Variants in SLC4A4 observed in about 807,000 individuals in gnomAD.
SLC4A4 encodes electrogenic sodium bicarbonate cotransporter 1.
SLC4A4 carries 27 observed loss-of-function variants against 111.5 expected under a neutral mutation model. That is an observed-to-expected ratio of 0.24 (90% confidence interval 0.18 to 0.33). The LOEUF is 0.33. Among genes scored for constraint, SLC4A4 ranks in the 10% least tolerant of loss-of-function variants. The pLI is 1.00. For synonymous variants in SLC4A4, 443 were observed against 463.4 expected (o/e 0.96, Z 0.57); for missense variants, 909 against 1,315.5 (o/e 0.69, Z 4.78).
intron 1 of SLC4A4, among the ~76,000 whole-genome samples, chr4:71,074,506 A>G (rs930432129): frequency 6.6e-6 from 1 of 152,158 alleles, no homozygotes; most frequent in Non-Finnish European, 1.5e-5. Context: ...TAAACACAGC[A>G]AGGTCTTTCA....
chr4:71,166,741 A>G (rs1486445022), intron 2 of SLC4A4, among the ~76,000 whole-genome samples: 3 of 152,124 alleles, frequency 2.0e-5, no homozygotes, highest in Non-Finnish European at 4.4e-5. Context: ...TAAGTGCCCA[A>G]TTTATGTCTG....
chr4:71,131,791 T>A (rs1396676629), intron 2 of SLC4A4, among the ~76,000 whole-genome samples: 1 of 152,108 alleles, frequency 6.6e-6, no homozygotes, highest in African/African-American at 2.4e-5. Flanking sequence ...CCAAAGCCTA[T>A]ACTAATCTGA....
intron 12 of SLC4A4, among the ~76,000 whole-genome samples, chr4:71,456,628 C>A (rs553563109): frequency 3.9e-5 from 6 of 152,214 alleles, no homozygotes; most frequent in Admixed American, 2.0e-4. Flanking sequence ...TCATTCCTTG[C>A]AAATATTTAT....
intron 3 of SLC4A4, among the ~76,000 whole-genome samples, chr4:71,305,627 A>G (rs971232172): frequency 3.3e-5 from 5 of 152,234 alleles, no homozygotes; most frequent in African/African-American, 4.8e-5. Flanking sequence ...CTTTACCACT[A>G]GCACACTGTG....
At chr4:71,113,974 G>A (rs34584148) in intron 2 of SLC4A4, among the ~76,000 whole-genome samples, 12,180 of 152,210 alleles carry the variant, frequency 0.08, 542 homozygotes, top group South Asian at 0.13. Context: ...CAGGCCGGGC[G>A]CGGTGGCTCA....
At chr4:71,161,930 T>C (rs957606200) in intron 2 of SLC4A4, among the ~76,000 whole-genome samples, 7 of 152,104 alleles carry the variant, frequency 4.6e-5, no homozygotes, top group African/African-American at 1.4e-4. Context: ...CCTCTCTAAT[T>C]CTGACCATAC....
At chr4:71,321,541 A>G (rs375364680) in intron 3 of SLC4A4, among the ~76,000 whole-genome samples, 20 of 151,930 alleles carry the variant, frequency 1.3e-4, no homozygotes, top group East Asian at 5.8e-4. Context: ...CAGACTTGGT[A>G]ATTTGTAAAG....
intron 1 of SLC4A4, among the ~76,000 whole-genome samples, chr4:71,069,584 T>G (rs1363850536): frequency 5.9e-5 from 9 of 152,212 alleles, no homozygotes; most frequent in Admixed American, 5.9e-4. Flanking sequence ...TGCATTTCTC[T>G]CATATATTTT....
At chr4:71,284,069 G>C (rs1237144991) in intron 3 of SLC4A4, among the ~76,000 whole-genome samples, 1 of 152,154 alleles carries the variant, frequency 6.6e-6, no homozygotes, top group Non-Finnish European at 1.5e-5. Flanking sequence ...GTAATGCTAG[G>C]AGTAGTATGA....
At chr4:71,213,826 G>A (rs997794213) in intron 1 of SLC4A4, among the ~76,000 whole-genome samples, 7 of 152,272 alleles carry the variant, frequency 4.6e-5, no homozygotes, top group South Asian at 2.1e-4. Flanking sequence ...TAAGAAGGTG[G>A]CCTTCTGCAA....
chr4:71,090,600 A>T (rs1464296873), intron 1 of SLC4A4, among the ~76,000 whole-genome samples: 1 of 152,050 alleles, frequency 6.6e-6, no homozygotes, highest in East Asian at 1.9e-4. Flanking sequence ...GATTTTAGTG[A>T]CTCCATCTTC....
intron 1 of SLC4A4, chr4:71,236,028 A>C: frequency 1.0e-6 from 1 of 992,796 alleles, no homozygotes; most frequent in Non-Finnish European, 1.2e-6. Context: ...GGCTGTGCTG[A>C]TATTAAGAGG....
At chr4:71,227,310 A>G (rs1039588804) in intron 1 of SLC4A4, among the ~76,000 whole-genome samples, 3 of 152,188 alleles carry the variant, frequency 2.0e-5, no homozygotes, top group Admixed American at 1.3e-4. Context: ...CTTACGTTTC[A>G]TGTTAAGCAA....
At chr4:71,099,502 A>G (rs1742654080) in intron 2 of SLC4A4, among the ~76,000 whole-genome samples, 1 of 152,190 alleles carries the variant, frequency 6.6e-6, no homozygotes, top group African/African-American at 2.4e-5. Context: ...AACATCTCAA[A>G]TTAGCAACCT....
At chr4:71,230,996 A>G (rs1009705576) in intron 1 of SLC4A4, among the ~76,000 whole-genome samples, 1 of 152,196 alleles carries the variant, frequency 6.6e-6, no homozygotes, top group Non-Finnish European at 1.5e-5. Context: ...AGCTTGGGCT[A>G]GGAGGAGAAA....
At position 71,466,447 on chromosome 4, in the gene SLC4A4, G is replaced by A. The variant is rs775473175; in HGVS notation, c.1501G>A (p.Val501Met). 18 of 1,613,494 alleles carry A rather than the reference G, an allele frequency of 1.1e-5. No individual in the cohort carries two copies. The highest frequency in any genetic ancestry group is 2.2e-5 in the South Asian group (2 of 91,070). ...ATCTATATTTTCTTTATTTTAGGGC[G>A]TGTTGGAGAGTTTCCTGGGCACTGC... The part of the protein sequence containing the change: ...LGDATDNMQG[V>M]LESFLGTAVS... The change falls in exon 13 of 26, where the codon GTG (valine) becomes ATG (methionine). Residue 501 changes from valine (V) to methionine (M), a missense_variant. This residue lies in a region of SLC4A4 where 23 missense variants were observed against 77.7 expected (regional missense o/e 0.30). Coordinates refer to ENST00000264485, the MANE Select transcript of SLC4A4 (RefSeq NM_001098484.3).
chr4:71,291,542 C>T (rs1423886200), intron 3 of SLC4A4, among the ~76,000 whole-genome samples: 1 of 152,034 alleles, frequency 6.6e-6, no homozygotes, highest in Admixed American at 6.5e-5. Context: ...TGGGCTCCAG[C>T]AATCCTCTCG....
chr4:71,110,441 G>A (rs1377200280), intron 2 of SLC4A4, among the ~76,000 whole-genome samples: 6 of 151,996 alleles, frequency 3.9e-5, no homozygotes, highest in Admixed American at 3.9e-4. Context: ...CCTGACCTCA[G>A]GTATTCCACC....
intron 1 of SLC4A4, among the ~76,000 whole-genome samples, chr4:71,203,368 G>T (rs1158054170): frequency 1.3e-5 from 2 of 152,116 alleles, no homozygotes; most frequent in African/African-American, 4.8e-5. Context: ...CTTTCACTGC[G>T]TAAGAGATAG....
Sources: gnomAD v4.1 joint callset for allele counts (sites outside exome capture counted in the v4.1 genomes callset) on GRCh38, gnomAD v4.1.1 for gene constraint, gnomAD v4.1.1 regional missense constraint, MANE v1.5 for transcripts, NCBI Gene and HGNC (gene_info 2026-07-23, HGNC 2026-07-21) for gene names.